ABCC9: variants seen among roughly 807,000 people sequenced by gnomAD.
ABCC9 encodes ATP-binding cassette sub-family C member 9.
In ABCC9, 95 loss-of-function variants were observed where a neutral mutation model predicts 188.3. The ratio of observed to expected loss-of-function variants is 0.50; its 90% CI spans 0.43 to 0.60. The LOEUF is 0.60. ABCC9 is among the 20% of genes least tolerant of loss of function. The pLI is 0.00. For synonymous variants in ABCC9, 659 were observed against 652.7 expected, an observed-to-expected ratio of 1.01 and a Z score of -0.15; for missense variants, 1,102 against 1,876.3, an observed-to-expected ratio of 0.59 and a Z score of 7.62.
intron 4 of ABCC9, among the ~76,000 whole-genome samples, chr12:21,932,750 G>A (rs1949337658): frequency 6.6e-6 from 1 of 152,076 alleles, no homozygotes; most frequent in South Asian, 2.1e-4. Context: ...TGCTGGTGAG[G>A]CTGTGGAGAA....
chr12:21,864,435 A>G lies in ABCC9; in HGVS notation c.2237+4T>C. On this transcript the variant is annotated splice_donor_region_variant and intron_variant, in intron 19 of 39. Transcript: ENST00000261200. The stretch of plus-strand genomic sequence containing the variant: ...TTAAACTCAGGTTAAAATAGAAATA[A>G]TACCTTCTGGTTGCTTCAAAAGAAG... 2 of 1,577,892 alleles carry G rather than the reference A, an allele frequency of 1.3e-6. No individual in the cohort carries two copies. Among genetic ancestry groups the G allele is most frequent in the African/African-American group, 1.3e-5 (1 of 74,244 alleles).
chr12:21,927,384 TGGAA>T (rs1450171309), intron 4 of ABCC9, among the ~76,000 whole-genome samples: 2 of 151,604 alleles, frequency 1.3e-5, no homozygotes, highest in Non-Finnish European at 2.9e-5. Context: ...GGGAGAGAAA[TGGAA>T]GGAAGAAAAG....
intron 34 of ABCC9, among the ~76,000 whole-genome samples, chr12:21,815,524 T>C (rs1942550298): frequency 6.6e-6 from 1 of 152,196 alleles, no homozygotes; most frequent in Non-Finnish European, 1.5e-5. Flanking sequence ...TTTAAAAACA[T>C]GCCTATTGTT....
chr12:21,904,661 AAC>A (rs1242419698), intron 12 of ABCC9, among the ~76,000 whole-genome samples: 2 of 152,242 alleles, frequency 1.3e-5, no homozygotes, highest in South Asian at 4.1e-4. Flanking sequence ...TTATGCAGCC[AAC>A]ACACACATGA....
chr12:21,858,578 C>CAA (rs11325700), intron 22 of ABCC9, among the ~76,000 whole-genome samples: 2 of 136,726 alleles, frequency 1.5e-5, no homozygotes, highest in Non-Finnish European at 1.6e-5. Flanking sequence ...GAATCCATCT[C>CAA]AAAAAAAAAA....
At chr12:21,876,105 C>T (rs1036612602) in intron 16 of ABCC9, among the ~76,000 whole-genome samples, 1 of 151,920 alleles carries the variant, frequency 6.6e-6, no homozygotes, top group Non-Finnish European at 1.5e-5. Flanking sequence ...AGACTCAACC[C>T]AAGGTAGAAC....
chr12:21,844,919 A>G lies in ABCC9; in HGVS notation c.3097-4T>C. The G allele has an allele frequency of 1.2e-6, 2 of 1,613,702 alleles. No individual in the cohort carries two copies. Among genetic ancestry groups the G allele is most frequent in the Non-Finnish European group, 1.7e-6 (2 of 1,179,680 alleles). On this transcript the variant is annotated splice_polypyrimidine_tract_variant and splice_region_variant and intron_variant, in intron 26 of 39. Transcript: ENST00000261200. ...TAAAGCCAGCCACATAGTAGGTCTA[A>G]AAAGCAACCAACACAAAAAGCACAT...
At chr12:21,858,061 T>A (rs1409112181) in intron 22 of ABCC9, among the ~76,000 whole-genome samples, 2 of 152,152 alleles carry the variant, frequency 1.3e-5, no homozygotes, top group African/African-American at 4.8e-5. Flanking sequence ...GAATTGACAA[T>A]AATTTAGTCC....
At chr12:21,888,874 AAG>A (rs1480514113) in intron 14 of ABCC9, among the ~76,000 whole-genome samples, 2 of 151,196 alleles carry the variant, frequency 1.3e-5, no homozygotes, top group African/African-American at 4.9e-5. Context: ...TGCAAAGGAA[AAG>A]AAGTGCTCCT....
intron 11 of ABCC9, 77 bp downstream of exon 11, chr12:21,908,000 G>C: frequency 7.0e-7 from 1 of 1,432,634 alleles, no homozygotes; most frequent in Non-Finnish European, 9.7e-7. Flanking sequence ...TTAGTGGTAT[G>C]TATTAATTTC....
Position 21,908,163 on chromosome 12 carries a change from A to G in ABCC9, c.1369T>C (p.Leu457=). 2 of 1,612,686 alleles carry G rather than the reference A, an allele frequency of 1.2e-6. No homozygotes were observed. The highest frequency in any genetic ancestry group is 1.3e-5 in the African/African-American group (1 of 74,966). The part of the protein sequence containing the change: ...LLYNLLGSSA[L]VGAAVIVLLA... ...AGCACAATGACAGCTGCACCGACCA[A>G]TGCACTTGATCCAAGTAAATTATAG... The change falls in exon 11 of 40, where the codon TTG becomes CTG. Residue 457 remains leucine (L), a synonymous_variant. Coordinates refer to ENST00000261200, the MANE Select transcript of ABCC9 (RefSeq NM_020297.4).
chr12:21,920,912 A>T (rs1948790981), intron 5 of ABCC9, among the ~76,000 whole-genome samples: 1 of 152,042 alleles, frequency 6.6e-6, no homozygotes, highest in South Asian at 2.1e-4. Context: ...TTCTTATTTT[A>T]TGGCTAAATA....
chr12:21,889,394 GTAATTGTCATTCTGTTCT>G (rs1243556204), intron 14 of ABCC9, among the ~76,000 whole-genome samples: 1 of 152,096 alleles, frequency 6.6e-6, no homozygotes, highest in Non-Finnish European at 1.5e-5. Flanking sequence ...TTTACAGATT[GTAATTGTCATTCTGTTCT>G]TATGTTTTGA....
intron 34 of ABCC9, 96 bp from the exon 35 acceptor site, chr12:21,814,818 A>C: frequency 2.2e-6 from 2 of 925,696 alleles, no homozygotes; most frequent in Non-Finnish European, 3.5e-6. Flanking sequence ...TTATGATAAA[A>C]CTGTAATTAT....
intron 18 of ABCC9, 128 bp from the exon 19 acceptor site, chr12:21,864,605 G>A: frequency 7.2e-6 from 5 of 695,940 alleles, no homozygotes; most frequent in Non-Finnish European, 1.0e-5. Flanking sequence ...AATGGTTTCT[G>A]ATATTAATTT....
At chr12:21,892,388 A>C (rs1401392646) in intron 14 of ABCC9, among the ~76,000 whole-genome samples, 1 of 152,214 alleles carries the variant, frequency 6.6e-6, no homozygotes, top group Non-Finnish European at 1.5e-5. Flanking sequence ...TCAAATTTCA[A>C]ATAAAAGTGT....
intron 31 of ABCC9, among the ~76,000 whole-genome samples, chr12:21,825,578 G>A (rs1451776539): frequency 6.6e-6 from 1 of 151,664 alleles, no homozygotes; most frequent in Non-Finnish European, 1.5e-5. Flanking sequence ...TCACTCATAA[G>A]TGGGAGTTAG....
chr12:21,884,075 CTTT>C (rs201201740), intron 15 of ABCC9, among the ~76,000 whole-genome samples: 23 of 147,122 alleles, frequency 1.6e-4, no homozygotes, highest in East Asian at 2.0e-4. Flanking sequence ...AAATAATTAA[CTTT>C]TTTTTTTTTT....
chr12:21,911,891 G>T (rs552741111), intron 8 of ABCC9, among the ~76,000 whole-genome samples: 433 of 20,356 alleles, frequency 0.021, no homozygotes, highest in Non-Finnish European at 0.035. Context: ...AAAATATCTG[G>T]TTCATGAACA....
Sources: allele counts gnomAD v4.1 joint callset (sites outside exome capture counted in the v4.1 genomes callset), GRCh38; gene constraint gnomAD v4.1.1; transcripts MANE v1.5; gene names NCBI Gene and HGNC (gene_info 2026-07-23, HGNC 2026-07-21).